CDH22: variants seen among roughly 807,000 people sequenced by gnomAD.
CDH22 encodes the protein cadherin-22.
Under a neutral mutation model 58.4 loss-of-function variants are expected in CDH22, and 30 were observed. The ratio of observed to expected loss-of-function variants is 0.51; its 90% CI spans 0.38 to 0.70. The LOEUF (loss-of-function observed/expected upper bound fraction) is 0.70, where lower values mean the gene tolerates loss of function less well. Among genes scored for constraint, CDH22 ranks in the 30% least tolerant of loss-of-function variants. CDH22 has a pLI of 0.00. For missense variants in CDH22, 1,014 were observed against 1,233.9 expected (o/e 0.82, Z 2.67); for synonymous variants, 513 against 558.2 (o/e 0.92, Z 1.14).
chr20:46,181,870 G>A (rs1340255674), intron 10 of CDH22, among the ~76,000 whole-genome samples: 1 of 149,668 alleles, frequency 6.7e-6, no homozygotes, highest in Admixed American at 6.7e-5. Flanking sequence ...AAATTGGAGT[G>A]CAGTGGTGCA....
intron 8 of CDH22, 137 bp downstream of exon 8, chr20:46,199,286 C>T: frequency 3.8e-6 from 4 of 1,058,028 alleles, no homozygotes; most frequent in Middle Eastern, 3.1e-4. Context: ...CGCACCATCC[C>T]CAACCTTTGG....
intron 1 of CDH22, among the ~76,000 whole-genome samples, chr20:46,286,991 C>T (rs993782492): frequency 1.3e-5 from 2 of 152,170 alleles, no homozygotes; most frequent in Non-Finnish European, 2.9e-5. Flanking sequence ...TTCAATCAAT[C>T]ATCCATTTAT....
At chr20:46,299,684 T>C (rs1194702364) in intron 1 of CDH22, among the ~76,000 whole-genome samples, 4 of 152,282 alleles carry the variant, frequency 2.6e-5, no homozygotes. Context: ...CATAGAGCAC[T>C]GAATATGGGC....
intron 1 of CDH22, among the ~76,000 whole-genome samples, chr20:46,280,759 CTAGTTTGCAGG>C (rs1344002802): frequency 2.0e-5 from 3 of 152,194 alleles, no homozygotes; most frequent in African/African-American, 2.4e-5. Context: ...AAGATAAGAC[CTAGTTTGCAGG>C]TTGCTGCGGG....
intron 3 of CDH22, among the ~76,000 whole-genome samples, chr20:46,234,617 A>G (rs1254469223): frequency 6.6e-6 from 1 of 152,232 alleles, no homozygotes; most frequent in Non-Finnish European, 1.5e-5. Context: ...GCCCGTTTCC[A>G]CATTCTGTTG....
chr20:46,233,636 A>C (rs1209107528), intron 3 of CDH22, among the ~76,000 whole-genome samples: 1 of 152,234 alleles, frequency 6.6e-6, no homozygotes, highest in East Asian at 1.9e-4. Flanking sequence ...AGGGCCTGGC[A>C]TACAGAGAGT....
At chr20:46,228,163 A>G (rs1482132861) in intron 3 of CDH22, among the ~76,000 whole-genome samples, 3 of 152,190 alleles carry the variant, frequency 2.0e-5, no homozygotes, top group African/African-American at 7.2e-5. Context: ...CTCTCCCCGC[A>G]TGATGGTGGT....
intron 1 of CDH22, among the ~76,000 whole-genome samples, chr20:46,298,200 G>GA (rs994512997): frequency 4.2e-4 from 64 of 150,964 alleles, no homozygotes; most frequent in Middle Eastern, 3.4e-3. Flanking sequence ...CCTGGAAATA[G>GA]AAAAAAAAAG....
chr20:46,300,222 G>C lies in CDH22; in HGVS notation c.-400+8033C>G, dbSNP rs1049710877. 7.9e-5 allele frequency among the ~76,000 whole-genome samples: 12 copies of C among 152,088 alleles called. No homozygotes were observed. Among genetic ancestry groups the C allele is most frequent in the Admixed American group, 3.3e-4 (5 of 15,270 alleles). ...GCAGGCCTTGGCAACCTCCTGGCCT[G>C]GGGGGTGGGCTGCCTCTCCCAGGAA... On this transcript the variant is annotated intron_variant, in intron 1 of 11. Coordinates refer to ENST00000537909, the MANE Select transcript of CDH22 (RefSeq NM_021248.3). The surrounding 1 kb of genome is among the most constrained non-coding windows in gnomAD (Gnocchi z 4.4).
In CDH22 at chr20:46,251,365, C is replaced by G; in HGVS notation, c.-71G>C. ...ACCAGGGCGCCGCTGCTTGGTCGCA[C>G]AACGATGCGGCGCCGTGTCACATGG... On this transcript the variant is annotated 5_prime_UTR_variant, in exon 2 of 12. Transcript: ENST00000537909. This position sits in a 1 kb window ranked among gnomAD's most constrained non-coding sequence, Gnocchi z 6.7. The G allele has an allele frequency of 7.2e-7, 1 of 1,389,962 alleles. No homozygotes were observed. The highest frequency in any genetic ancestry group is 9.3e-7 in the Non-Finnish European group (1 of 1,078,660). The allele number at this position is 1,389,962 out of a possible 1,614,324, so 86.1% of individuals were successfully genotyped here. A position where few individuals can be genotyped will look rare whatever the true frequency, so the allele number is the denominator to read the frequency against.
chr20:46,238,443 A>G (rs1246657068), intron 3 of CDH22, among the ~76,000 whole-genome samples: 1 of 152,188 alleles, frequency 6.6e-6, no homozygotes, highest in East Asian at 1.9e-4. Flanking sequence ...GATAATATCC[A>G]AATTTATCTC....
At chr20:46,203,182 T>C (rs971941830) in intron 7 of CDH22, among the ~76,000 whole-genome samples, 6 of 151,620 alleles carry the variant, frequency 4.0e-5, no homozygotes, top group Non-Finnish European at 8.8e-5. Context: ...GCTAAAGACC[T>C]GGGGCTGGGG....
intron 1 of CDH22, among the ~76,000 whole-genome samples, chr20:46,268,331 C>G (rs1191806771): frequency 6.6e-6 from 1 of 152,232 alleles, no homozygotes; most frequent in Non-Finnish European, 1.5e-5. Context: ...TGCCCCAGAT[C>G]TTGCTTAAAG....
chr20:46,244,754 G>T (rs1421697335), intron 2 of CDH22, among the ~76,000 whole-genome samples: 6 of 152,196 alleles, frequency 3.9e-5, no homozygotes, highest in Non-Finnish European at 8.8e-5. Flanking sequence ...GGGTTACTGG[G>T]TGGCCACTGG....
chr20:46,267,899 C>T (rs1424759874), intron 1 of CDH22, among the ~76,000 whole-genome samples: 2 of 152,316 alleles, frequency 1.3e-5, no homozygotes, highest in Middle Eastern at 3.4e-3. Context: ...TCAGGAACAC[C>T]GTGGCAGGGG....
intron 8 of CDH22, among the ~76,000 whole-genome samples, chr20:46,195,956 G>A (rs960569316): frequency 6.6e-6 from 1 of 152,196 alleles, no homozygotes; most frequent in Non-Finnish European, 1.5e-5. Flanking sequence ...GTCACCTCAT[G>A]TTTATTATGA....
chr20:46,265,072 C>G (rs1487293047), intron 1 of CDH22, among the ~76,000 whole-genome samples: 2 of 152,212 alleles, frequency 1.3e-5, no homozygotes, highest in Non-Finnish European at 2.9e-5. Context: ...CAGAGCCGTG[C>G]TGTACATCAT....
chr20:46,186,202 CAAAAA>C (rs57944745), intron 10 of CDH22, among the ~76,000 whole-genome samples: 1 of 81,110 alleles, frequency 1.2e-5, no homozygotes. Flanking sequence ...GACCCTGTCT[CAAAAA>C]AAAAAAAAAA....
chr20:46,263,236 C>A (rs904277265), intron 1 of CDH22, among the ~76,000 whole-genome samples: 1 of 152,202 alleles, frequency 6.6e-6, no homozygotes, highest in Non-Finnish European at 1.5e-5. Flanking sequence ...AACGGAAGGA[C>A]ACATGATGGG....
Sources: allele counts gnomAD v4.1 joint callset (sites outside exome capture counted in the v4.1 genomes callset), GRCh38; gene constraint gnomAD v4.1.1; non-coding constraint Gnocchi (gnomAD v3.1); transcripts MANE v1.5; gene names NCBI Gene and HGNC (gene_info 2026-07-23, HGNC 2026-07-21).